Variants in CYFIP2 observed in about 807,000 individuals in gnomAD.
The protein encoded by CYFIP2 is cytoplasmic FMR1 interacting protein 2.
A neutral mutation model predicts 158.7 loss-of-function variants in CYFIP2; 29 were observed. The observed-to-expected ratio is 0.18, with a 90% CI of 0.14 to 0.25. CYFIP2 has a LOEUF of 0.25. Ranked by LOEUF, CYFIP2 falls within the 10% of genes least tolerant of loss-of-function variation. The pLI is 1.00. For synonymous variants in CYFIP2, 585 were observed against 617.6 expected (o/e 0.95, Z 0.78); for missense variants, 852 against 1,639.5 (o/e 0.52, Z 8.29).
chr5:157,309,561 C>A (rs1003285829), intron 9 of CYFIP2, among the ~76,000 whole-genome samples, 182 bp from the exon 10 acceptor site: 1 of 152,080 alleles, frequency 6.6e-6, no homozygotes, highest in Non-Finnish European at 1.5e-5. Flanking sequence ...CAGGGGAGGA[C>A]CTATACGCTG....
chr5:157,391,108 T>C (rs1322827110), intron 30 of CYFIP2, among the ~76,000 whole-genome samples: 1 of 151,822 alleles, frequency 6.6e-6, no homozygotes, highest in South Asian at 2.1e-4. Context: ...GGAGGCTGTG[T>C]CTGGGCTGAC....
intron 26 of CYFIP2, among the ~76,000 whole-genome samples, chr5:157,379,622 T>C (rs1212282754): frequency 7.8e-6 from 1 of 127,446 alleles, no homozygotes; most frequent in Non-Finnish European, 1.6e-5. Flanking sequence ...TGAGCCATGA[T>C]TACACTACTG....
At position 157,311,599 on chromosome 5, in the gene CYFIP2, T is replaced by G; in HGVS notation, c.993-65T>G. 7.0e-7 allele frequency: 1 copy of G among 1,435,708 alleles called. No homozygotes were observed. The highest frequency in any genetic ancestry group is 9.5e-7 in the Non-Finnish European group (1 of 1,049,146). 88.9% of individuals were successfully genotyped at this position (1,435,708 alleles called of 1,614,324 possible). ...ACGTGGGCTGAGCACCAGGAGCAGC[T>G]AATGCCTGTTCCACCCAGGCGCCTG... On this transcript the variant is annotated intron_variant, in intron 10 of 30. Coordinates refer to ENST00000620254, the MANE Select transcript of CYFIP2 (RefSeq NM_001037333.3). This position sits in a 1 kb window ranked among gnomAD's most constrained non-coding sequence, Gnocchi z 4.7.
At chr5:157,325,691 A>G (rs1760967454) in intron 17 of CYFIP2, 53 bp downstream of exon 17, 2 of 1,520,756 alleles carry the variant, frequency 1.3e-6, no homozygotes, top group East Asian at 4.7e-5. Context: ...AGTAGAGGGC[A>G]GTTTGCCAGG....
At chr5:157,294,746 C>T in intron 3 of CYFIP2, 37 bp from the exon 4 acceptor site, 2 of 1,600,572 alleles carry the variant, frequency 1.2e-6, no homozygotes, top group Non-Finnish European at 1.7e-6. Flanking sequence ...TGGCACCCGT[C>T]TTGTTCCTCC....
At chr5:157,335,509 C>T (rs9313546) in intron 21 of CYFIP2, among the ~76,000 whole-genome samples, 70,697 of 152,106 alleles carry the variant, frequency 0.46, 18,276 homozygotes, top group African/African-American at 0.71. Context: ...AGCTCCTGAC[C>T]TCGTGATCTG....
chr5:157,342,976 G>A (rs1762390606), intron 23 of CYFIP2: 2 of 1,614,264 alleles, frequency 1.2e-6, no homozygotes, highest in Non-Finnish European at 1.7e-6. Flanking sequence ...CATCTCTGGA[G>A]TTCTTGCGTG....
At chr5:157,276,182 T>C (rs1441016983) in intron 1 of CYFIP2, among the ~76,000 whole-genome samples, 3 of 152,226 alleles carry the variant, frequency 2.0e-5, no homozygotes, top group East Asian at 1.9e-4. Flanking sequence ...GCCAGTACAA[T>C]GTTGAATAGA....
At chr5:157,279,264 T>C (rs1209189410) in intron 1 of CYFIP2, among the ~76,000 whole-genome samples, 1 of 152,190 alleles carries the variant, frequency 6.6e-6, no homozygotes, top group Non-Finnish European at 1.5e-5. Context: ...AACATGCTAT[T>C]GTTTATATAG....
intron 1 of CYFIP2, among the ~76,000 whole-genome samples, chr5:157,282,563 CT>C (rs1290547015): frequency 6.6e-6 from 1 of 152,140 alleles, no homozygotes; most frequent in Non-Finnish European, 1.5e-5. Flanking sequence ...TGTGAATGGC[CT>C]TGTGCATATA....
In CYFIP2 at chr5:157,300,911, C is replaced by T. The variant is rs750010808; in HGVS notation, c.569+15C>T. On this transcript the variant is annotated intron_variant, in intron 6 of 30. Transcript: ENST00000620254. ...GCCTACAAGAGGTCAGGGCAACCTC[C>T]CCCTCTCCCCTTTCCCCATCCAGGC... The T allele has an allele frequency of 1.1e-5, 17 of 1,530,824 alleles. No individual in the cohort carries two copies. The African/African-American group carries it at 2.2e-4, about 20-fold the overall frequency. 94.8% of individuals were successfully genotyped at this position (1,530,824 alleles called of 1,614,324 possible). A position where few individuals can be genotyped will look rare whatever the true frequency, so the allele number is the denominator to read the frequency against.
chr5:157,332,917 G>GC (rs1386174662), intron 20 of CYFIP2, among the ~76,000 whole-genome samples: 3 of 152,132 alleles, frequency 2.0e-5, no homozygotes, highest in Admixed American at 2.0e-4. Context: ...TCTCAGTTCA[G>GC]CTAAAGATGG....
Position 157,390,639 on chromosome 5 carries a change from G to T in CYFIP2, c.3565G>T (p.Asp1189Tyr). ...CCACCTGCTAAAAGTGCAGAGGCAG[G>T]ACGGGAAGGATGAAATCATTAAGAA... The part of the protein sequence containing the change: ...CYHLLKVQRQ[D>Y]GKDEIIKNVP... Residue 1189 changes from aspartate to tyrosine, a missense_variant, in exon 30 of 31, where the codon GAC becomes TAC. Asp to Tyr is a radical substitution (Grantham distance 160). Around this residue, in one of 8 missense-constraint regions of CYFIP2, gnomAD observed 223 missense variants for 381.6 expected, o/e 0.58. Transcript: ENST00000620254. 6.3e-7 allele frequency: 1 copy of T among 1,585,712 alleles called. No homozygotes were observed. Among genetic ancestry groups the T allele is most frequent in the Non-Finnish European group, 8.6e-7 (1 of 1,165,836 alleles).
chr5:157,383,519 C>T, intron 28 of CYFIP2, 160 bp downstream of exon 28: 2 of 606,784 alleles, frequency 3.3e-6, no homozygotes, highest in Non-Finnish European at 5.8e-6. Context: ...AACAGCAGGT[C>T]TGGAATGAGA....
At chr5:157,362,810 A>T (rs1172708941) in intron 26 of CYFIP2, 1 of 152,292 alleles carries the variant, frequency 6.6e-6, no homozygotes, top group Non-Finnish European at 1.5e-5. Context: ...AGGTTGAGGA[A>T]GGACTTCTCT....
chr5:157,300,695 C>T lies in CYFIP2; in HGVS notation c.388-20C>T. ...ATAAGGGAGCACAGTGGACCTTACTCACTGCCCCTCTGCCCCCAGCGCAAG... is the reference window on the plus strand; with the variant it reads ...ATAAGGGAGCACAGTGGACCTTACTTACTGCCCCTCTGCCCCCAGCGCAAG... On this transcript the variant is annotated intron_variant, in intron 5 of 30. Coordinates refer to ENST00000620254, the MANE Select transcript of CYFIP2 (RefSeq NM_001037333.3). The T allele has an allele frequency of 6.5e-7, 1 of 1,546,300 alleles. No homozygotes were observed. Among genetic ancestry groups the T allele is most frequent in the Non-Finnish European group, 8.7e-7 (1 of 1,143,724 alleles).
intron 9 of CYFIP2, among the ~76,000 whole-genome samples, chr5:157,308,183 A>C (rs1466267300): frequency 6.6e-6 from 1 of 150,964 alleles, no homozygotes; most frequent in Non-Finnish European, 1.5e-5. Flanking sequence ...TTTTTCCTGA[A>C]GTCCCTTGTC....
chr5:157,274,595 A>G (rs1313021150), intron 1 of CYFIP2, among the ~76,000 whole-genome samples: 1 of 152,224 alleles, frequency 6.6e-6, no homozygotes, highest in Non-Finnish European at 1.5e-5. Flanking sequence ...GCCTAGGAGT[A>G]GAATTGCTGG....
chr5:157,351,746 A>G (rs1436932687), intron 23 of CYFIP2, among the ~76,000 whole-genome samples: 1 of 152,196 alleles, frequency 6.6e-6, no homozygotes, highest in Non-Finnish European at 1.5e-5. Flanking sequence ...TTCAGTCCAT[A>G]GTAGCCCTTT....
Sources: allele counts gnomAD v4.1 joint callset (sites outside exome capture counted in the v4.1 genomes callset), GRCh38; gene constraint gnomAD v4.1.1; regional missense constraint gnomAD v4.1.1; non-coding constraint Gnocchi (gnomAD v3.1); transcripts MANE v1.5; gene names NCBI Gene and HGNC (gene_info 2026-07-23, HGNC 2026-07-21).